The following FAT3 variants were observed in gnomAD, a reference collection of about 807,000 sequenced individuals.
The protein encoded by FAT3 is protocadherin Fat 3.
Under a neutral mutation model 310.2 loss-of-function variants are expected in FAT3, and 95 were observed. The observed-to-expected ratio is 0.31, with a 90% CI of 0.26 to 0.36. The LOEUF (loss-of-function observed/expected upper bound fraction) is 0.36. FAT3 is among the 10% of genes least tolerant of loss of function. FAT3 has a pLI of 1.00. For missense variants in FAT3, 5,408 were observed against 5,715.6 expected (o/e 0.95, Z 1.74); for synonymous variants, 2,314 against 2,192.9 (o/e 1.06, Z -1.54).
intron 1 of FAT3, among the ~76,000 whole-genome samples, chr11:92,346,908 A>G (rs1413091398): frequency 6.6e-6 from 1 of 151,978 alleles, no homozygotes; most frequent in Non-Finnish European, 1.5e-5. Flanking sequence ...TAGGTTGTAA[A>G]TTTTACTCCC....
At chr11:92,610,747 C>T (rs1211230189) in intron 3 of FAT3, among the ~76,000 whole-genome samples, 4 of 152,102 alleles carry the variant, frequency 2.6e-5, no homozygotes, top group Non-Finnish European at 5.9e-5. Flanking sequence ...TTAGTGTTTT[C>T]TTCCCCTCAC....
At chr11:92,227,974 C>T (rs1284265731) in intron 1 of FAT3, among the ~76,000 whole-genome samples, 1 of 151,420 alleles carries the variant, frequency 6.6e-6, no homozygotes, top group African/African-American at 2.4e-5. Context: ...AGAATTAAAC[C>T]GAATGTTGAT....
chr11:92,235,800 T>C (rs997070341), intron 1 of FAT3, among the ~76,000 whole-genome samples: 4 of 152,222 alleles, frequency 2.6e-5, no homozygotes, highest in African/African-American at 9.6e-5. Context: ...GGATCTTTCC[T>C]GTATGTTCTA....
chr11:92,390,032 C>T (rs1949713717), intron 2 of FAT3, among the ~76,000 whole-genome samples: 1 of 151,298 alleles, frequency 6.6e-6, no homozygotes, highest in Non-Finnish European at 1.5e-5. Context: ...TTTTTTTAAA[C>T]TTTCAAAATA....
At position 92,508,436 on chromosome 11, in the gene FAT3, AC is replaced by A. The variant is rs567233358; in HGVS notation, c.3293-16197del. ...TATCAGGGTTGATGTAGCTTTACTTACGTTTTTCAGATTCTGATACAGAAAA... is the reference window on the plus strand; with the variant it reads ...TATCAGGGTTGATGTAGCTTTACTTAGTTTTTCAGATTCTGATACAGAAAA... On this transcript the variant is annotated intron_variant, in intron 2 of 27. Coordinates refer to ENST00000525166, the MANE Select transcript of FAT3 (RefSeq NM_001367949.2). Among the ~76,000 whole-genome samples, 114 of 152,174 alleles carry A rather than the reference AC, an allele frequency of 7.5e-4. 1 individual carries two copies. The highest frequency in any genetic ancestry group is 2.6e-3 in the African/African-American group (107 of 41,548).
At chr11:92,767,845 T>C (rs1319120119) in intron 6 of FAT3, among the ~76,000 whole-genome samples, 1 of 152,164 alleles carries the variant, frequency 6.6e-6, no homozygotes, top group Admixed American at 6.5e-5. Flanking sequence ...GAATAAACTA[T>C]GGTGAATGAT....
In FAT3 at chr11:92,892,203, A is replaced by C. The variant is rs1949930304; in HGVS notation, c.*1090A>C. On this transcript the variant is annotated 3_prime_UTR_variant, in exon 28 of 28. Transcript: ENST00000525166. ...AGTGTGTGTGTGTCTGGGCCTATGTACAAATATGTGCTTGCACTCAGTAAG... is the reference window on the plus strand; with the variant it reads ...AGTGTGTGTGTGTCTGGGCCTATGTCCAAATATGTGCTTGCACTCAGTAAG... 6.6e-6 allele frequency: 1 copy of C among 152,170 alleles called. No individual in the cohort carries two copies. Among genetic ancestry groups the C allele is most frequent in the African/African-American group, 2.4e-5 (1 of 41,438 alleles). The allele number at this position is 152,170 out of a possible 1,614,324, so 9.4% of individuals were successfully genotyped here.
chr11:92,277,591 G>A (rs1467997219), intron 1 of FAT3, among the ~76,000 whole-genome samples: 2 of 152,274 alleles, frequency 1.3e-5, no homozygotes, highest in East Asian at 3.9e-4. Context: ...TGTCCTAAGT[G>A]AGATAACACA....
rs148653121 is a variant in FAT3 at position 92,848,736 on chromosome 11, G to A, written c.11365+4004G>A. On this transcript the variant is annotated intron_variant, in intron 19 of 27. Transcript: ENST00000525166. ...AATGGATGGAGTGTTTGCCATGGGCGAAGCCCTGCGATGTACAGAAATGAG... is the reference window on the plus strand; with the variant it reads ...AATGGATGGAGTGTTTGCCATGGGCAAAGCCCTGCGATGTACAGAAATGAG... Among the ~76,000 whole-genome samples the A allele has an allele frequency of 2.3e-4, 35 of 152,356 alleles. No individual in the cohort carries two copies. The East Asian group carries it at 5.4e-3, about 24-fold the overall frequency.
At chr11:92,253,599 A>G (rs1004652275) in intron 1 of FAT3, among the ~76,000 whole-genome samples, 1 of 152,122 alleles carries the variant, frequency 6.6e-6, no homozygotes, top group South Asian at 2.1e-4. Context: ...CACCTAGGAC[A>G]TATTTATTGG....
intron 2 of FAT3, among the ~76,000 whole-genome samples, chr11:92,414,936 G>T (rs1008472431): frequency 6.6e-6 from 1 of 152,038 alleles, no homozygotes; most frequent in Non-Finnish European, 1.5e-5. Flanking sequence ...CATGAACCCG[G>T]GAGGCGGAGC....
chr11:92,388,299 A>G (rs1174387370), intron 2 of FAT3, among the ~76,000 whole-genome samples: 2 of 151,928 alleles, frequency 1.3e-5, no homozygotes, highest in African/African-American at 2.4e-5. Context: ...ACTCCCTTAC[A>G]TGGTCAGGTC....
intron 2 of FAT3, among the ~76,000 whole-genome samples, chr11:92,474,333 G>A (rs1951991219): frequency 6.6e-6 from 1 of 152,122 alleles, no homozygotes; most frequent in Non-Finnish European, 1.5e-5. Flanking sequence ...CAAATATGTT[G>A]CCTGGCCTGA....
intron 27 of FAT3, 79 bp downstream of exon 27, chr11:92,889,970 G>A (rs910984505): frequency 4.2e-6 from 3 of 717,510 alleles, no homozygotes; most frequent in Non-Finnish European, 7.8e-6. Flanking sequence ...CTGTTCCTGT[G>A]CCTCTGCCCT....
chr11:92,801,422 G>C lies in FAT3; in HGVS notation c.8409G>C (p.Lys2803Asn). ...TGTTTACTGTGGATGTAGATATCAA[G>C]GTATTGGATTTGAATGACAACAAGC... The part of the protein sequence containing the change: ...DIVFTVDVDI[K>N]VLDLNDNKPV... Residue 2803 changes from lysine (K) to asparagine (N), a missense_variant, in exon 10 of 28, where the codon AAG becomes AAC. Lys to Asn is a moderately conservative substitution (Grantham distance 94, BLOSUM62 0). This residue lies in a region of FAT3 where 4,588 missense variants were observed against 4,809.8 expected (regional missense o/e 0.95). Transcript: ENST00000525166. 7 of 1,613,878 alleles carry C rather than the reference G, an allele frequency of 4.3e-6. No homozygotes were observed. The highest frequency in any genetic ancestry group is 5.9e-6 in the Non-Finnish European group (7 of 1,179,870).
intron 6 of FAT3, among the ~76,000 whole-genome samples, chr11:92,768,636 C>T (rs781278595): frequency 6.6e-6 from 1 of 152,192 alleles, no homozygotes; most frequent in Non-Finnish European, 1.5e-5. Context: ...TTCCCTTCCT[C>T]CTTACGTAAG....
chr11:92,243,120 A>G (rs1320500580), intron 1 of FAT3, among the ~76,000 whole-genome samples: 1 of 152,012 alleles, frequency 6.6e-6, no homozygotes, highest in Non-Finnish European at 1.5e-5. Flanking sequence ...TTGAATTTGT[A>G]GATTATCCTA....
At chr11:92,325,372 A>C (rs1947736122) in intron 1 of FAT3, among the ~76,000 whole-genome samples, 1 of 152,188 alleles carries the variant, frequency 6.6e-6, no homozygotes, top group African/African-American at 2.4e-5. Context: ...TGGCCCTATT[A>C]TCAGTGACTC....
chr11:92,285,915 TCTC>T (rs1213297610), intron 1 of FAT3, among the ~76,000 whole-genome samples: 1 of 152,108 alleles, frequency 6.6e-6, no homozygotes, highest in Non-Finnish European at 1.5e-5. Context: ...GTTTCCTACT[TCTC>T]CTCCAGGACG....
Sources: gnomAD v4.1 joint callset for allele counts (sites outside exome capture counted in the v4.1 genomes callset) on GRCh38, gnomAD v4.1.1 for gene constraint, gnomAD v4.1.1 regional missense constraint, MANE v1.5 for transcripts, NCBI Gene and HGNC (gene_info 2026-07-23, HGNC 2026-07-21) for gene names.